The following WSCD2 variants were observed in gnomAD, a reference collection of about 807,000 sequenced individuals.
WSCD2 encodes sialate:O-sulfotransferase 2.
In WSCD2, 28 loss-of-function variants were observed where a neutral mutation model predicts 55.7. The ratio of observed to expected loss-of-function variants is 0.50; its 90% CI spans 0.37 to 0.69. The LOEUF is 0.69. Ranked by LOEUF, WSCD2 falls within the 30% of genes least tolerant of loss-of-function variation. WSCD2 has a pLI of 0.00. For missense variants in WSCD2, 616 were observed against 762.1 expected, an observed-to-expected ratio of 0.81 and a Z score of 2.26; for synonymous variants, 301 against 301.9, an observed-to-expected ratio of 1.00 and a Z score of 0.03.
At position 108,249,464 on chromosome 12, in the gene WSCD2, C is replaced by A. The variant is rs1283727081; in HGVS notation, c.*1121C>A. On this transcript the variant is annotated 3_prime_UTR_variant, in exon 9 of 9. Transcript: ENST00000547525. ...CTCTCTTGATGCTGAAATGCCAAACCGAAGGATTTCTGAGGACCTAAATCA... is the reference window on the plus strand; with the variant it reads ...CTCTCTTGATGCTGAAATGCCAAACAGAAGGATTTCTGAGGACCTAAATCA... 2 of 152,372 alleles carry A rather than the reference C, an allele frequency of 1.3e-5. No homozygotes were observed. Among genetic ancestry groups the A allele is most frequent in the Non-Finnish European group, 2.9e-5 (2 of 68,036 alleles). 9.4% of individuals were successfully genotyped at this position (152,372 alleles called of 1,614,324 possible).
intron 8 of WSCD2, among the ~76,000 whole-genome samples, chr12:108,247,300 A>G (rs1256704743): frequency 6.6e-6 from 1 of 150,532 alleles, no homozygotes; most frequent in East Asian, 1.9e-4. Flanking sequence ...TTATTAATAT[A>G]TAAGTATGTA....
intron 5 of WSCD2, 136 bp from the exon 6 acceptor site, chr12:108,226,854 T>G (rs779798464): frequency 2.7e-5 from 28 of 1,045,456 alleles, no homozygotes; most frequent in Non-Finnish European, 3.4e-5. Flanking sequence ...GTGGATGGAA[T>G]TTGGGGACCC....
At chr12:108,190,039 T>C (rs1242445239) in intron 1 of WSCD2, among the ~76,000 whole-genome samples, 3 of 152,234 alleles carry the variant, frequency 2.0e-5, no homozygotes, top group Non-Finnish European at 2.9e-5. Context: ...TATATTGACT[T>C]ATTTAGTTCT....
At chr12:108,149,486 C>G (rs1401638816) in intron 1 of WSCD2, among the ~76,000 whole-genome samples, 2 of 152,196 alleles carry the variant, frequency 1.3e-5, no homozygotes, top group African/African-American at 4.8e-5. Context: ...AACATCGGCC[C>G]CCACCAGCCA....
chr12:108,161,189 CAGAGCTGTTATA>C (rs1475635195), intron 1 of WSCD2, among the ~76,000 whole-genome samples: 5 of 152,126 alleles, frequency 3.3e-5, no homozygotes, highest in Non-Finnish European at 7.3e-5. Context: ...ATTTACCTTG[CAGAGCTGTTATA>C]AGAAAATATC....
At chr12:108,232,611 G>C in intron 6 of WSCD2, 120 bp from the exon 7 acceptor site, 7 of 985,812 alleles carry the variant, frequency 7.1e-6, no homozygotes, top group Non-Finnish European at 7.3e-6. Flanking sequence ...CCACGCAAGT[G>C]TCCTGTGCCC....
At chr12:108,217,863 C>T (rs182692662) in intron 4 of WSCD2, among the ~76,000 whole-genome samples, 14 of 152,294 alleles carry the variant, frequency 9.2e-5, no homozygotes, top group African/African-American at 3.4e-4. Context: ...GTTTAGCCCT[C>T]CTCTCTAAGC....
intron 1 of WSCD2, among the ~76,000 whole-genome samples, chr12:108,188,957 G>A (rs917430156): frequency 3.3e-5 from 5 of 152,130 alleles, no homozygotes; most frequent in African/African-American, 9.7e-5. Flanking sequence ...ATAATATGCC[G>A]ATGTCTCATC....
At chr12:108,211,665 A>ATATATACATATATATATATT (rs1565970125) in intron 4 of WSCD2, among the ~76,000 whole-genome samples, 1 of 147,694 alleles carries the variant, frequency 6.8e-6, no homozygotes, top group African/African-American at 2.5e-5. Context: ...ATATATATAT[A>ATATATACATATATATATATT]TTTTTTGAGA....
chr12:108,249,581 C>T lies in WSCD2; in HGVS notation c.*1238C>T, dbSNP rs1257038778. On this transcript the variant is annotated 3_prime_UTR_variant, in exon 9 of 9. Transcript: ENST00000547525. ...GCTTCCCACCCAGTCCAAACCTGCA[C>T]CATCCATCATTATGTAGATGAAAAA... is the stretch of plus-strand genomic sequence containing the variant. 2.0e-5 allele frequency: 3 copies of T among 152,602 alleles called. No individual in the cohort carries two copies. The highest frequency in any genetic ancestry group is 4.8e-5 in the African/African-American group (2 of 41,434). The allele number at this position is 152,602 out of a possible 1,614,324, so 9.5% of individuals were successfully genotyped here.
At chr12:108,226,175 T>G (rs1888062900) in intron 5 of WSCD2, among the ~76,000 whole-genome samples, 1 of 152,118 alleles carries the variant, frequency 6.6e-6, no homozygotes, top group Admixed American at 6.5e-5. Flanking sequence ...CCTGGTTTGC[T>G]ACCAGATTAG....
intron 1 of WSCD2, among the ~76,000 whole-genome samples, chr12:108,186,927 G>A (rs757385952): frequency 1.3e-5 from 2 of 151,984 alleles, no homozygotes; most frequent in Non-Finnish European, 1.5e-5. Context: ...AGTCTTTCTC[G>A]GGTCCTTTGT....
intron 1 of WSCD2, among the ~76,000 whole-genome samples, chr12:108,160,577 C>T (rs1878959689): frequency 6.6e-6 from 1 of 152,112 alleles, no homozygotes; most frequent in South Asian, 2.1e-4. Context: ...CTTATGAGAA[C>T]TCACTCACTA....
At chr12:108,198,230 A>G (rs1197223977) in intron 2 of WSCD2, among the ~76,000 whole-genome samples, 2 of 151,892 alleles carry the variant, frequency 1.3e-5, no homozygotes, top group Non-Finnish European at 2.9e-5. Context: ...TTCTATCAGC[A>G]CCCGGGACAG....
chr12:108,130,896 A>AT (rs1225332423), intron 1 of WSCD2, among the ~76,000 whole-genome samples: 1 of 151,912 alleles, frequency 6.6e-6, no homozygotes, highest in African/African-American at 2.4e-5. Flanking sequence ...TGGCTAGATG[A>AT]TTTTTTCTAT....
chr12:108,245,498 C>T (rs1350708074), intron 8 of WSCD2, among the ~76,000 whole-genome samples: 1 of 152,220 alleles, frequency 6.6e-6, no homozygotes, highest in Non-Finnish European at 1.5e-5. Flanking sequence ...GACTGGGATA[C>T]CTGGAGCTAC....
chr12:108,131,688 C>T (rs754189421), intron 1 of WSCD2: 4 of 152,272 alleles, frequency 2.6e-5, no homozygotes, highest in Non-Finnish European at 2.9e-5. Flanking sequence ...TGATCCTTGA[C>T]TACATGGCAG....
intron 1 of WSCD2, among the ~76,000 whole-genome samples, chr12:108,186,949 C>G (rs17041646): frequency 0.028 from 4,333 of 152,214 alleles, 200 homozygotes; most frequent in African/African-American, 0.098. Flanking sequence ...TCTTCTTTGT[C>G]TCGGTTCAGT....
chr12:108,216,889 A>G (rs1464004174), intron 4 of WSCD2, among the ~76,000 whole-genome samples: 1 of 152,242 alleles, frequency 6.6e-6, no homozygotes, highest in East Asian at 1.9e-4. Context: ...AGGCAGAGTC[A>G]TGGTCACTAT....
Sources: gnomAD v4.1 joint callset for allele counts (sites outside exome capture counted in the v4.1 genomes callset) on GRCh38, gnomAD v4.1.1 for gene constraint, MANE v1.5 for transcripts, NCBI Gene and HGNC (gene_info 2026-07-23, HGNC 2026-07-21) for gene names.